Variants in KAZN observed in about 807,000 individuals in gnomAD.
KAZN encodes the protein kazrin.
In KAZN, 40 loss-of-function variants were observed where a neutral mutation model predicts 87.4. The observed-to-expected ratio is 0.46, with a 90% confidence interval of 0.36 to 0.60. The LOEUF is 0.60. Among genes scored for constraint, KAZN ranks in the 20% least tolerant of loss-of-function variants. The probability of loss-of-function intolerance (pLI) is 0.00; values close to 1 mark genes in which losing one functional copy is unlikely to be tolerated. For synonymous variants in KAZN, 466 were observed against 458.3 expected, an observed-to-expected ratio of 1.02 and a Z score of -0.22; for missense variants, 898 against 1,073.9, an observed-to-expected ratio of 0.84 and a Z score of 2.29.
intron 1 of KAZN, among the ~76,000 whole-genome samples, chr1:14,059,880 A>G (rs778387072): frequency 1.4e-4 from 21 of 152,150 alleles, no homozygotes; most frequent in Non-Finnish European, 2.4e-4. Flanking sequence ...ATTGGGTCAC[A>G]ATGGCCTAGA....
intron 1 of KAZN, among the ~76,000 whole-genome samples, chr1:14,108,715 C>T (rs112483669): frequency 0.016 from 2,385 of 152,278 alleles, 73 homozygotes; most frequent in African/African-American, 0.054. Context: ...AGCTGGGAAC[C>T]GTGTGGACTT....
At chr1:14,418,038 A>C (rs1378044808) in intron 2 of KAZN, among the ~76,000 whole-genome samples, 131 of 133,316 alleles carry the variant, frequency 9.8e-4, no homozygotes, top group East Asian at 4.5e-3. Context: ...AAAAAAAAAA[A>C]AAAAAACCTA....
chr1:13,941,490 C>T (rs1181850720), intron 1 of KAZN, among the ~76,000 whole-genome samples: 1 of 152,148 alleles, frequency 6.6e-6, no homozygotes, highest in Non-Finnish European at 1.5e-5. Flanking sequence ...ATCAGTAACC[C>T]AAACCTTGGC....
chr1:14,449,982 C>A (rs1228678411), intron 2 of KAZN, among the ~76,000 whole-genome samples: 1 of 152,078 alleles, frequency 6.6e-6, no homozygotes, highest in East Asian at 1.9e-4. Flanking sequence ...CTCTTAATGG[C>A]CCCTTTCAGG....
intron 2 of KAZN, among the ~76,000 whole-genome samples, chr1:14,536,751 G>A (rs1672524988): frequency 6.6e-6 from 1 of 152,086 alleles, no homozygotes; most frequent in Non-Finnish European, 1.5e-5. Flanking sequence ...ACATGGTGGT[G>A]CATGCCTGTA....
At position 14,205,884 on chromosome 1, in the gene KAZN, C is replaced by CAAAAAAAAAA. The variant is rs70997121; in HGVS notation, c.249+25305_249+25314dup. On this transcript the variant is annotated intron_variant, in intron 2 of 16. Transcript: ENST00000636203. ...CAGGCGACAGAGCAAGACACTGTCTCAAAAAAAAAAAAAAAAAAAAAAGCT... is the reference window on the plus strand; with the variant it reads ...CAGGCGACAGAGCAAGACACTGTCTCAAAAAAAAAAAAAAAAAAAAAAAAAAAAAAAAGCT... Among the ~76,000 whole-genome samples, 116 of 35,200 alleles carry CAAAAAAAAAA rather than the reference C, an allele frequency of 3.3e-3. 39 individuals are homozygous for CAAAAAAAAAA. Among genetic ancestry groups the CAAAAAAAAAA allele is most frequent in the African/African-American group, 8.6e-3 (62 of 7,222 alleles). 23.1% of individuals were successfully genotyped at this position (35,200 alleles called of 152,430 possible). A position where few individuals can be genotyped will look rare whatever the true frequency, so the allele number is the denominator to read the frequency against.
At chr1:14,653,036 A>G (rs1418293564) in intron 1 of KAZN, among the ~76,000 whole-genome samples, 1 of 152,174 alleles carries the variant, frequency 6.6e-6, no homozygotes, top group Non-Finnish European at 1.5e-5. Flanking sequence ...TGAGTTCCTG[A>G]CCATATGAAA....
chr1:14,508,338 C>T (rs1177798236), intron 2 of KAZN, among the ~76,000 whole-genome samples: 2 of 152,136 alleles, frequency 1.3e-5, no homozygotes, highest in African/African-American at 4.8e-5. Context: ...TGCTGTGCAA[C>T]AGATTACCCC....
chr1:14,503,970 C>T lies in KAZN; in HGVS notation c.250-95013C>T, dbSNP rs138580483. 2.8e-3 allele frequency among the ~76,000 whole-genome samples: 421 copies of T among 152,176 alleles called. 2 individuals carry two copies. The highest frequency in any genetic ancestry group is 9.3e-3 in the African/African-American group (387 of 41,516). ...GTACAAGGGTGAGGCAAGAGAGGCA[C>T]GTAGGACAAAACATTTAAGGAAGCC... On this transcript the variant is annotated intron_variant, in intron 2 of 16. Transcript: ENST00000636203.
chr1:15,067,778 G>A (rs1372837331), intron 8 of KAZN: 3 of 985,250 alleles, frequency 3.0e-6, no homozygotes, highest in Non-Finnish European at 3.6e-6. Context: ...GTTTAACCGA[G>A]CCTAGGGGTG....
intron 1 of KAZN, among the ~76,000 whole-genome samples, chr1:14,628,181 G>C (rs1281646401): frequency 6.6e-6 from 1 of 152,196 alleles, no homozygotes; most frequent in Non-Finnish European, 1.5e-5. Flanking sequence ...AGTGGATCCG[G>C]GTGCAGTTCT....
At chr1:14,427,915 T>C (rs559499357) in intron 2 of KAZN, among the ~76,000 whole-genome samples, 45 of 152,322 alleles carry the variant, frequency 3.0e-4, no homozygotes, top group Non-Finnish European at 4.9e-4. Flanking sequence ...GCAACAACTA[T>C]AGCCGAAGAG....
intron 1 of KAZN, among the ~76,000 whole-genome samples, chr1:14,018,233 C>T (rs1255801232): frequency 1.3e-5 from 2 of 152,136 alleles, no homozygotes; most frequent in Non-Finnish European, 2.9e-5. Flanking sequence ...CTCAGTTTTT[C>T]TAGTGCTTAT....
At chr1:14,262,629 C>A (rs1375623424) in intron 2 of KAZN, among the ~76,000 whole-genome samples, 1 of 152,114 alleles carries the variant, frequency 6.6e-6, no homozygotes, top group Non-Finnish European at 1.5e-5. Context: ...TGGAAGGACC[C>A]CCATGATAAA....
At chr1:14,770,117 A>G (rs1474520309) in intron 1 of KAZN, among the ~76,000 whole-genome samples, 2 of 151,840 alleles carry the variant, frequency 1.3e-5, no homozygotes, top group African/African-American at 2.4e-5. Flanking sequence ...AGCTAGAGAC[A>G]TGGTTGGGGT....
intron 2 of KAZN, among the ~76,000 whole-genome samples, chr1:14,508,944 C>A (rs74059553): frequency 6.6e-6 from 1 of 152,256 alleles, no homozygotes; most frequent in African/African-American, 2.4e-5. Context: ...CCTGTTCTGT[C>A]CTGTAAGAAA....
At chr1:14,627,719 G>A (rs368585231) in intron 1 of KAZN, among the ~76,000 whole-genome samples, 3 of 152,332 alleles carry the variant, frequency 2.0e-5, no homozygotes, top group Middle Eastern at 3.4e-3. Context: ...CTGACAAACA[G>A]AGAGCCAGGG....
At chr1:15,035,874 C>T (rs1672208768) in intron 3 of KAZN, among the ~76,000 whole-genome samples, 1 of 152,158 alleles carries the variant, frequency 6.6e-6, no homozygotes, top group South Asian at 2.1e-4. Flanking sequence ...GGTCACAGCC[C>T]TTGTCACAGG....
chr1:14,523,569 C>T (rs1407651886), intron 2 of KAZN, among the ~76,000 whole-genome samples: 1 of 152,238 alleles, frequency 6.6e-6, no homozygotes, highest in African/African-American at 2.4e-5. Flanking sequence ...AGCTTTTTTG[C>T]TGCTCCATCA....
Sources: gnomAD v4.1 joint callset for allele counts (sites outside exome capture counted in the v4.1 genomes callset) on GRCh38, gnomAD v4.1.1 for gene constraint, MANE v1.5 for transcripts, NCBI Gene and HGNC (gene_info 2026-07-23, HGNC 2026-07-21) for gene names.